Variants in MACROD2 observed in about 807,000 individuals in gnomAD.
MACROD2 encodes the protein mono-ADP ribosylhydrolase 2, also known as ADP-ribose glycohydrolase MACROD2.
In MACROD2, 36 loss-of-function variants were observed where a neutral mutation model predicts 70.4. The ratio of observed to expected loss-of-function variants is 0.51; its 90% CI spans 0.39 to 0.68. MACROD2 has a LOEUF of 0.68. Among genes scored for constraint, MACROD2 ranks in the 30% least tolerant of loss-of-function variants. The probability of loss-of-function intolerance (pLI) is 0.00; values close to 1 mark genes in which losing one functional copy is unlikely to be tolerated. For synonymous variants in MACROD2, 172 were observed against 178.8 expected (o/e 0.96, Z 0.30); for missense variants, 496 against 538.4 (o/e 0.92, Z 0.78).
chr20:15,524,671 T>A (rs1229251499), intron 8 of MACROD2, among the ~76,000 whole-genome samples: 1 of 152,194 alleles, frequency 6.6e-6, no homozygotes, highest in Non-Finnish European at 1.5e-5. Context: ...GGGAATTGTA[T>A]AATAGAGGGA....
chr20:15,204,648 A>G (rs935207983), intron 5 of MACROD2, among the ~76,000 whole-genome samples: 1 of 152,190 alleles, frequency 6.6e-6, no homozygotes, highest in African/African-American at 2.4e-5. Flanking sequence ...TAATCTACAT[A>G]TTAATTTGCC....
chr20:15,575,914 A>G (rs2146636399), intron 8 of MACROD2, among the ~76,000 whole-genome samples: 1 of 152,286 alleles, frequency 6.6e-6, no homozygotes, highest in South Asian at 2.1e-4. Context: ...AAACTTGTTT[A>G]CTTTATATAT....
chr20:15,304,832 C>A (rs1403725109), intron 6 of MACROD2, among the ~76,000 whole-genome samples: 1 of 152,226 alleles, frequency 6.6e-6, no homozygotes, highest in Non-Finnish European at 1.5e-5. Flanking sequence ...GGATTTGCAT[C>A]AGGAATAAAA....
At chr20:15,813,145 A>C (rs73097238) in intron 8 of MACROD2, among the ~76,000 whole-genome samples, 18,595 of 152,086 alleles carry the variant, frequency 0.12, 1,366 homozygotes, top group Middle Eastern at 0.3. Flanking sequence ...ACCCCTCCCC[A>C]AAAAAAGCAC....
chr20:15,204,706 T>A (rs997716273), intron 5 of MACROD2, among the ~76,000 whole-genome samples: 1 of 152,186 alleles, frequency 6.6e-6, no homozygotes, highest in East Asian at 1.9e-4. Flanking sequence ...TTCGCTCAGA[T>A]TGTGCCTATA....
intron 6 of MACROD2, among the ~76,000 whole-genome samples, chr20:15,416,642 C>T (rs867047585): frequency 5.3e-5 from 8 of 152,236 alleles, no homozygotes; most frequent in Middle Eastern, 3.4e-3. Context: ...AGGTGGCTCA[C>T]GCCTGTAATC....
chr20:14,342,073 C>T (rs1433316166), intron 3 of MACROD2, among the ~76,000 whole-genome samples: 2 of 152,216 alleles, frequency 1.3e-5, no homozygotes, highest in Non-Finnish European at 2.9e-5. Context: ...TTTGCTTAAA[C>T]TTGATCACAG....
chr20:14,413,310 TA>T (rs1435009182), intron 3 of MACROD2, among the ~76,000 whole-genome samples: 9 of 150,446 alleles, frequency 6.0e-5, no homozygotes, highest in Non-Finnish European at 1.3e-4. Flanking sequence ...ATATCATATA[TA>T]AAGTTGCAAA....
At chr20:15,265,031 T>A (rs2077280825) in intron 6 of MACROD2, among the ~76,000 whole-genome samples, 1 of 152,194 alleles carries the variant, frequency 6.6e-6, no homozygotes. Flanking sequence ...CAAATGAAAA[T>A]CATTACATGA....
intron 8 of MACROD2, among the ~76,000 whole-genome samples, chr20:15,595,814 G>A (rs1349198931): frequency 1.3e-5 from 2 of 152,052 alleles, no homozygotes; most frequent in African/African-American, 2.4e-5. Context: ...TTTGTAAACT[G>A]TAACTTGGCA....
intron 5 of MACROD2, among the ~76,000 whole-genome samples, chr20:15,083,111 C>A (rs1343151636): frequency 1.3e-5 from 2 of 152,164 alleles, no homozygotes; most frequent in African/African-American, 4.8e-5. Flanking sequence ...ACAATGGCCT[C>A]TAGTTCTACC....
At chr20:15,188,411 G>C (rs1210996132) in intron 5 of MACROD2, among the ~76,000 whole-genome samples, 2 of 152,200 alleles carry the variant, frequency 1.3e-5, no homozygotes, top group African/African-American at 4.8e-5. Flanking sequence ...AACATGGTTA[G>C]TATATTAACC....
chr20:14,903,432 CT>C (rs2073921852), intron 5 of MACROD2, among the ~76,000 whole-genome samples: 1 of 152,102 alleles, frequency 6.6e-6, no homozygotes, highest in Non-Finnish European at 1.5e-5. Flanking sequence ...GACAGTTAAC[CT>C]TGGCTGCAGA....
At chr20:15,568,514 G>A (rs1568898197) in intron 8 of MACROD2, among the ~76,000 whole-genome samples, 3 of 152,144 alleles carry the variant, frequency 2.0e-5, no homozygotes, top group Non-Finnish European at 4.4e-5. Context: ...CTGTGATGCT[G>A]CCACCCTCAA....
chr20:14,012,757 A>G (rs1027104130), intron 2 of MACROD2, among the ~76,000 whole-genome samples: 1 of 152,224 alleles, frequency 6.6e-6, no homozygotes, highest in Non-Finnish European at 1.5e-5. Context: ...TTACTGTGAT[A>G]TGCAATTTAT....
chr20:14,343,757 T>G (rs2083038244), intron 3 of MACROD2, among the ~76,000 whole-genome samples: 1 of 152,210 alleles, frequency 6.6e-6, no homozygotes, highest in African/African-American at 2.4e-5. Flanking sequence ...AATACAGCTT[T>G]GGAGGAATGA....
At chr20:15,894,347 C>G (rs1476871234) in intron 10 of MACROD2, among the ~76,000 whole-genome samples, 1 of 152,156 alleles carries the variant, frequency 6.6e-6, no homozygotes, top group African/African-American at 2.4e-5. Context: ...ATCTGGCTGC[C>G]CTGCTCCTAG....
At chr20:15,334,025 G>T (rs1020292225) in intron 6 of MACROD2, among the ~76,000 whole-genome samples, 1 of 151,546 alleles carries the variant, frequency 6.6e-6, no homozygotes, top group African/African-American at 2.4e-5. Context: ...GCTATTGTAG[G>T]TCCTCAGTTA....
At chr20:14,347,547 T>C (rs1311300570) in intron 3 of MACROD2, among the ~76,000 whole-genome samples, 1 of 152,128 alleles carries the variant, frequency 6.6e-6, no homozygotes, top group Non-Finnish European at 1.5e-5. Context: ...GGAGATGTGT[T>C]ACTAGTCTGG....
Sources: allele counts gnomAD v4.1 joint callset (sites outside exome capture counted in the v4.1 genomes callset), GRCh38; gene constraint gnomAD v4.1.1; transcripts MANE v1.5; gene names NCBI Gene and HGNC (gene_info 2026-07-23, HGNC 2026-07-21).